ITGA8: variants seen among roughly 807,000 people sequenced by gnomAD.
ITGA8 encodes the protein integrin subunit alpha 8, also known as integrin alpha-8.
In ITGA8, 91 loss-of-function variants were observed where a neutral mutation model predicts 142.3. The ratio of observed to expected loss-of-function variants is 0.64; its 90% CI spans 0.54 to 0.76. The LOEUF (loss-of-function observed/expected upper bound fraction) is 0.76. Among genes scored for constraint, ITGA8 ranks in the 30% least tolerant of loss-of-function variants. The pLI, the probability that ITGA8 is intolerant of heterozygous loss-of-function variation, is 0.00. For missense variants in ITGA8, 1,406 were observed against 1,327.7 expected (o/e 1.06, Z -0.92); for synonymous variants, 505 against 485.2 (o/e 1.04, Z -0.54).
chr10:15,665,347 AC>A (rs1834368203), intron 8 of ITGA8, among the ~76,000 whole-genome samples: 1 of 152,082 alleles, frequency 6.6e-6, no homozygotes, highest in Non-Finnish European at 1.5e-5. Flanking sequence ...TCCTTCGCCC[AC>A]TTTTTGATGG....
chr10:15,632,497 C>T lies in ITGA8; in HGVS notation c.1399+11533G>A, dbSNP rs150922025. On this transcript the variant is annotated intron_variant, in intron 13 of 29. Coordinates refer to ENST00000378076, the MANE Select transcript of ITGA8 (RefSeq NM_003638.3). Reference sequence around the variant, plus strand: ...AGTGTAGACAACAGTCATTCTCAACCTGGATCTGTGAATTTCTGAAAATAG... The same window carrying T: ...AGTGTAGACAACAGTCATTCTCAACTTGGATCTGTGAATTTCTGAAAATAG... Among the ~76,000 whole-genome samples, 883 of 152,286 alleles carry T rather than the reference C, an allele frequency of 5.8e-3. 7 individuals carry two copies. Among genetic ancestry groups the T allele is most frequent in the African/African-American group, 0.02 (852 of 41,566 alleles).
At chr10:15,629,814 C>A (rs1041611142) in intron 13 of ITGA8, among the ~76,000 whole-genome samples, 18 of 151,980 alleles carry the variant, frequency 1.2e-4, no homozygotes, top group Admixed American at 3.3e-4. Context: ...ATAATCCCAG[C>A]TACTTGGGAG....
At chr10:15,671,520 C>G in intron 8 of ITGA8, 83 bp downstream of exon 8, 1 of 1,130,666 alleles carries the variant, frequency 8.8e-7, no homozygotes, top group Non-Finnish European at 1.3e-6. Flanking sequence ...CAAATAAAAT[C>G]ACATTGATAG....
Position 15,716,913 on chromosome 10 carries a change from C to T in ITGA8, c.343+1853G>A, listed in dbSNP as rs572816514. 3.7e-4 allele frequency among the ~76,000 whole-genome samples: 56 copies of T among 152,202 alleles called. 1 individual carries two copies. The South Asian group carries it at 4.2e-3, about 11-fold the overall frequency. Reference sequence around the variant, plus strand: ...CTGACCTCAAGTGATCCACCTGCCTCGGCCTCCCAAAGTGCTGGAATTACA... The same window carrying T: ...CTGACCTCAAGTGATCCACCTGCCTTGGCCTCCCAAAGTGCTGGAATTACA... On this transcript the variant is annotated intron_variant, in intron 2 of 29. Transcript: ENST00000378076.
At chr10:15,690,089 C>G (rs890717577) in intron 2 of ITGA8, among the ~76,000 whole-genome samples, 1 of 152,018 alleles carries the variant, frequency 6.6e-6, no homozygotes, top group Non-Finnish European at 1.5e-5. Flanking sequence ...CTGTACTACC[C>G]AACTATTGGG....
At chr10:15,519,954 A>G (rs546351197) in intron 28 of ITGA8, among the ~76,000 whole-genome samples, 1 of 152,252 alleles carries the variant, frequency 6.6e-6, no homozygotes, top group Admixed American at 6.5e-5. Context: ...TCACACAACG[A>G]ATTAGTGTCA....
At chr10:15,580,306 GA>G (rs1834385154) in intron 23 of ITGA8, among the ~76,000 whole-genome samples, 1 of 151,954 alleles carries the variant, frequency 6.6e-6, no homozygotes, top group Admixed American at 6.6e-5. Context: ...CCTTTAATGA[GA>G]AACTACCAAA....
intron 18 of ITGA8, 117 bp from the exon 19 acceptor site, chr10:15,605,908 G>C (rs1833186991): frequency 2.3e-6 from 2 of 851,222 alleles, no homozygotes; most frequent in African/African-American, 3.4e-5. Context: ...CACTATGCAT[G>C]ACTCTACCCA....
At chr10:15,623,619 G>A (rs978702555) in intron 13 of ITGA8, among the ~76,000 whole-genome samples, 3 of 152,172 alleles carry the variant, frequency 2.0e-5, no homozygotes. Flanking sequence ...CCAGGAGATG[G>A]AGGTTGCAGT....
At chr10:15,614,523 G>A (rs1833359387) in intron 14 of ITGA8, among the ~76,000 whole-genome samples, 1 of 152,186 alleles carries the variant, frequency 6.6e-6, no homozygotes, top group African/African-American at 2.4e-5. Flanking sequence ...GACTGACAGA[G>A]TGTAAGTAAA....
chr10:15,671,030 C>A (rs1261939358), intron 8 of ITGA8, among the ~76,000 whole-genome samples: 2 of 152,150 alleles, frequency 1.3e-5, no homozygotes, highest in Non-Finnish European at 1.5e-5. Flanking sequence ...TATCCTAGCA[C>A]TTATCATAAT....
chr10:15,597,438 C>A, intron 20 of ITGA8, 139 bp from the exon 21 acceptor site: 1 of 646,202 alleles, frequency 1.5e-6, no homozygotes, highest in African/African-American at 1.8e-5. Context: ...ATTGATGACC[C>A]TTAACTCAGA....
intron 8 of ITGA8, among the ~76,000 whole-genome samples, chr10:15,669,741 C>T (rs1321438569): frequency 6.6e-6 from 1 of 152,184 alleles, no homozygotes; most frequent in African/African-American, 2.4e-5. Context: ...AGACAGGACC[C>T]TCAGCTGCAG....
chr10:15,707,607 G>A (rs1835283322), intron 2 of ITGA8, among the ~76,000 whole-genome samples: 1 of 152,094 alleles, frequency 6.6e-6, no homozygotes, highest in South Asian at 2.1e-4. Flanking sequence ...TGGATCACCT[G>A]AGGTCAGCAG....
At chr10:15,554,975 G>C (rs901138096) in intron 26 of ITGA8, among the ~76,000 whole-genome samples, 1 of 152,054 alleles carries the variant, frequency 6.6e-6, no homozygotes, top group South Asian at 2.1e-4. Flanking sequence ...ATGGATTTCC[G>C]TTCTACAGAT....
chr10:15,689,878 C>T (rs569417252), intron 2 of ITGA8, among the ~76,000 whole-genome samples: 1 of 152,178 alleles, frequency 6.6e-6, no homozygotes, highest in Non-Finnish European at 1.5e-5. Flanking sequence ...GTGGGCCCAG[C>T]AGAAAAGCTG....
At chr10:15,534,841 T>G (rs574588201) in intron 27 of ITGA8, among the ~76,000 whole-genome samples, 21 of 152,292 alleles carry the variant, frequency 1.4e-4, no homozygotes, top group African/African-American at 4.3e-4. Flanking sequence ...TCTCGGCGCC[T>G]CCTCTGCCTG....
intron 13 of ITGA8, among the ~76,000 whole-genome samples, chr10:15,623,257 A>G (rs747413373): frequency 1.3e-5 from 2 of 152,224 alleles, no homozygotes; most frequent in African/African-American, 4.8e-5. Flanking sequence ...CAGAGCCCGA[A>G]TACAGTAAAG....
intron 25 of ITGA8, among the ~76,000 whole-genome samples, chr10:15,561,520 G>T (rs955218862): frequency 2.0e-5 from 3 of 152,118 alleles, no homozygotes; most frequent in Admixed American, 1.3e-4. Context: ...GAAGGGGAAA[G>T]AGGTCCGTTC....
Sources: gnomAD v4.1 joint callset for allele counts (sites outside exome capture counted in the v4.1 genomes callset) on GRCh38, gnomAD v4.1.1 for gene constraint, MANE v1.5 for transcripts, NCBI Gene and HGNC (gene_info 2026-07-23, HGNC 2026-07-21) for gene names.